The following MAF variants were observed in gnomAD, a reference collection of about 807,000 sequenced individuals.
MAF encodes the protein MAF bZIP transcription factor.
A neutral mutation model predicts 22.0 loss-of-function variants in MAF; 10 were observed. That is an observed-to-expected ratio of 0.45 (90% CI 0.28 to 0.77). The LOEUF (loss-of-function observed/expected upper bound fraction) is 0.77. MAF is among the 30% of genes least tolerant of loss of function. The pLI is 0.12. For synonymous variants in MAF, 337 were observed against 255.8 expected (o/e 1.32, Z -3.03); for missense variants, 544 against 548.4 (o/e 0.99, Z 0.08).
At chr16:79,409,702 A>C in the MAF span, among the ~76,000 whole-genome samples, 10 of 152,186 alleles carry the variant, frequency 6.6e-5, no homozygotes, top group Non-Finnish European at 1.0e-4. Flanking sequence ...GGCTGCAGCA[A>C]AACTTGGGGA....
chr16:79,359,696 G>C, the MAF span, among the ~76,000 whole-genome samples: 2 of 152,174 alleles, frequency 1.3e-5, no homozygotes, highest in East Asian at 1.9e-4. Flanking sequence ...TTACTTTGTA[G>C]CCAAGAGCTT....
At chr16:79,446,088 A>T in the MAF span, among the ~76,000 whole-genome samples, 7 of 152,142 alleles carry the variant, frequency 4.6e-5, no homozygotes, top group African/African-American at 1.7e-4. Flanking sequence ...AAAGAGAGAA[A>T]AGGAAAGCAG....
chr16:79,323,459 A>G, the MAF span, among the ~76,000 whole-genome samples: 1 of 152,206 alleles, frequency 6.6e-6, no homozygotes, highest in African/African-American at 2.4e-5. Flanking sequence ...GCAACTTTTT[A>G]CAGACAAATT....
At chr16:79,490,834 T>C in the MAF span, among the ~76,000 whole-genome samples, 2 of 152,184 alleles carry the variant, frequency 1.3e-5, no homozygotes, top group Admixed American at 6.5e-5. Context: ...CAGGTCTCAC[T>C]CTTGGGCTGT....
At chr16:79,372,411 T>C in the MAF span, among the ~76,000 whole-genome samples, 1 of 152,184 alleles carries the variant, frequency 6.6e-6, no homozygotes, top group Non-Finnish European at 1.5e-5. Context: ...CCCTGGACTG[T>C]GATATATGTC....
the MAF span, among the ~76,000 whole-genome samples, chr16:79,339,727 C>A: frequency 1.1e-4 from 16 of 152,194 alleles, no homozygotes; most frequent in Admixed American, 9.2e-4. Flanking sequence ...TGCAGTACAC[C>A]AGCTTTGCAA....
chr16:79,551,975 G>T, the MAF span, among the ~76,000 whole-genome samples: 1 of 151,848 alleles, frequency 6.6e-6, no homozygotes, highest in African/African-American at 2.4e-5. Context: ...ACACAGCTGT[G>T]ATTTTTTTTT....
At chr16:79,541,486 A>AT in the MAF span, among the ~76,000 whole-genome samples, 174 of 152,012 alleles carry the variant, frequency 1.1e-3, 1 homozygote, top group African/African-American at 4.0e-3. Context: ...AGAAAAAAAA[A>AT]AAAAATAATA....
chr16:79,313,565 T>G, the MAF span, among the ~76,000 whole-genome samples: 1 of 152,096 alleles, frequency 6.6e-6, no homozygotes, highest in Non-Finnish European at 1.5e-5. Flanking sequence ...ATCTTAAGAG[T>G]CAGTCCCCTG....
At chr16:79,327,521 A>G in the MAF span, among the ~76,000 whole-genome samples, 1 of 152,238 alleles carries the variant, frequency 6.6e-6, no homozygotes, top group Non-Finnish European at 1.5e-5. Flanking sequence ...CAAGGTATTG[A>G]TTTGACAAGG....
the MAF span, among the ~76,000 whole-genome samples, chr16:79,288,314 G>A: frequency 6.6e-6 from 1 of 152,162 alleles, no homozygotes; most frequent in Non-Finnish European, 1.5e-5. Flanking sequence ...ATATTTCAAG[G>A]CAGTTTCTAT....
At chr16:79,347,322 C>A in the MAF span, among the ~76,000 whole-genome samples, 3 of 152,304 alleles carry the variant, frequency 2.0e-5, no homozygotes, top group East Asian at 5.8e-4. Flanking sequence ...ACCAGCTCAC[C>A]CCCGGGGCCT....
chr16:79,204,182 C>G, the MAF span: 1 of 152,110 alleles, frequency 6.6e-6, no homozygotes, highest in Non-Finnish European at 1.5e-5. Flanking sequence ...AGAAACTGTA[C>G]TTTGAGCAAT....
the MAF span, among the ~76,000 whole-genome samples, chr16:79,458,178 A>G: frequency 3.1e-4 from 44 of 143,798 alleles, no homozygotes; most frequent in Non-Finnish European, 5.1e-4. Flanking sequence ...GCTAACTAGC[A>G]AAGAGAAAGA....
chr16:79,375,090 G>C, the MAF span, among the ~76,000 whole-genome samples: 1 of 152,194 alleles, frequency 6.6e-6, no homozygotes, highest in Non-Finnish European at 1.5e-5. Flanking sequence ...TTGTAGAATG[G>C]ATGGAGGAAT....
chr16:79,279,712 G>A, the MAF span, among the ~76,000 whole-genome samples: 510 of 152,264 alleles, frequency 3.3e-3, 3 homozygotes, highest in African/African-American at 0.012. Flanking sequence ...TCGCGCAGGG[G>A]TTCTCTTACA....
chr16:79,439,791 T>C, the MAF span, among the ~76,000 whole-genome samples: 229 of 152,296 alleles, frequency 1.5e-3, 2 homozygotes, highest in African/African-American at 5.1e-3. Context: ...GGATTCTGCA[T>C]AGGAGATGCC....
At chr16:79,562,915 A>T in the MAF span, among the ~76,000 whole-genome samples, 1 of 152,220 alleles carries the variant, frequency 6.6e-6, no homozygotes, top group Non-Finnish European at 1.5e-5. Flanking sequence ...TTCAGATCCA[A>T]ATCAAATTCA....
the MAF span, among the ~76,000 whole-genome samples, chr16:79,248,777 A>T: frequency 0.015 from 2,218 of 145,994 alleles, 28 homozygotes; most frequent in Non-Finnish European, 0.025. Flanking sequence ...TTTGAAATTA[A>T]CACAATGTGT....
Sources: allele counts gnomAD v4.1 joint callset (sites outside exome capture counted in the v4.1 genomes callset), GRCh38; gene constraint gnomAD v4.1.1; transcripts MANE v1.5; gene names NCBI Gene and HGNC (gene_info 2026-07-23, HGNC 2026-07-21).